PIBF1: variants seen among roughly 807,000 people sequenced by gnomAD.
PIBF1 encodes the protein progesterone immunomodulatory binding factor 1.
A neutral mutation model predicts 112.5 loss-of-function variants in PIBF1; 90 were observed. That is an observed-to-expected ratio of 0.80 (90% confidence interval 0.67 to 0.95). The LOEUF (loss-of-function observed/expected upper bound fraction) is 0.95, where lower values mean the gene tolerates loss of function less well. Among genes scored for constraint, PIBF1 ranks in the 40% least tolerant of loss-of-function variants. The pLI, the probability that PIBF1 is intolerant of heterozygous loss-of-function variation, is 0.00. For missense variants in PIBF1, 915 were observed against 852.3 expected, an observed-to-expected ratio of 1.07 and a Z score of -0.92; for synonymous variants, 301 against 288.6, an observed-to-expected ratio of 1.04 and a Z score of -0.44.
chr13:72,851,695 A>G (rs572650193), intron 9 of PIBF1, among the ~76,000 whole-genome samples: 71 of 152,312 alleles, frequency 4.7e-4, no homozygotes, highest in African/African-American at 1.6e-3. Flanking sequence ...AGTTTCACAG[A>G]ACGGAGTGAG....
intron 10 of PIBF1, among the ~76,000 whole-genome samples, chr13:72,874,780 G>C (rs2039323149): frequency 6.6e-6 from 1 of 152,028 alleles, no homozygotes; most frequent in African/African-American, 2.4e-5. Flanking sequence ...TTATTTTTTA[G>C]AGCAGTTTTG....
intron 14 of PIBF1, among the ~76,000 whole-genome samples, chr13:72,947,246 C>A (rs1183048500): frequency 6.6e-6 from 1 of 152,184 alleles, no homozygotes; most frequent in Non-Finnish European, 1.5e-5. Context: ...AAGCAATGGC[C>A]TGAGCTGTAC....
chr13:72,976,870 T>G (rs1204131492), intron 16 of PIBF1, among the ~76,000 whole-genome samples: 1 of 152,118 alleles, frequency 6.6e-6, no homozygotes, highest in Non-Finnish European at 1.5e-5. Context: ...TGATTTTTTT[T>G]TGAAAATGAA....
At chr13:72,929,887 G>A (rs2041648866) in intron 13 of PIBF1, among the ~76,000 whole-genome samples, 1 of 151,946 alleles carries the variant, frequency 6.6e-6, no homozygotes, top group African/African-American at 2.4e-5. Context: ...TAGAGACAGG[G>A]TCTCTGTGTC....
chr13:72,874,080 C>T (rs909035414), intron 10 of PIBF1, among the ~76,000 whole-genome samples: 1 of 152,100 alleles, frequency 6.6e-6, no homozygotes, highest in African/African-American at 2.4e-5. Context: ...GATTTTAAAA[C>T]ACGGATATTA....
intron 9 of PIBF1, chr13:72,836,200 AAAAT>A: frequency 4.8e-6 from 2 of 413,566 alleles, no homozygotes; most frequent in Non-Finnish European, 4.8e-6. Context: ...GAATTCAGGG[AAAAT>A]AAATACTATT....
chr13:72,979,141 A>G (rs1010721160), intron 16 of PIBF1, among the ~76,000 whole-genome samples: 3 of 152,192 alleles, frequency 2.0e-5, no homozygotes, highest in African/African-American at 7.2e-5. Context: ...GCTGCAGTGA[A>G]TCATAATCAC....
At chr13:72,949,310 T>TTTTTTTTTTTTTTTTTTC (rs2042234989) in intron 14 of PIBF1, among the ~76,000 whole-genome samples, 1 of 102,372 alleles carries the variant, frequency 9.8e-6, no homozygotes, top group Non-Finnish European at 2.1e-5. Context: ...CTTTTTTTTT[T>TTTTTTTTTTTTTTTTTTC]TTTTTTTTTT....
chr13:72,995,932 G>C (rs570788197), intron 16 of PIBF1, among the ~76,000 whole-genome samples: 1 of 147,226 alleles, frequency 6.8e-6, no homozygotes, highest in South Asian at 2.2e-4. Flanking sequence ...CTGGATGACA[G>C]AGCGAGACTC....
intron 12 of PIBF1, among the ~76,000 whole-genome samples, chr13:72,909,447 G>A (rs994157716): frequency 2.0e-5 from 3 of 151,782 alleles, no homozygotes; most frequent in Admixed American, 6.6e-5. Context: ...TAAAGGAGGT[G>A]AGGCATATCT....
At chr13:72,817,155 A>C (rs1052970356) in intron 5 of PIBF1, among the ~76,000 whole-genome samples, 1 of 152,180 alleles carries the variant, frequency 6.6e-6, no homozygotes, top group African/African-American at 2.4e-5. Flanking sequence ...ATTATATTCT[A>C]TTTCCAATTT....
Position 72,827,822 on chromosome 13 carries a change from T to TCATGAAGAGGATCGCCTTGAAA in PIBF1, c.1006_1027dup (p.Arg343ThrfsTer2). 4 of 1,603,704 alleles carry TCATGAAGAGGATCGCCTTGAAA rather than the reference T, an allele frequency of 2.5e-6. No individual in the cohort carries two copies. Among genetic ancestry groups the TCATGAAGAGGATCGCCTTGAAA allele is most frequent in the Non-Finnish European group, 3.4e-6 (4 of 1,175,134 alleles). The stretch of plus-strand genomic sequence containing the variant: ...ACATGGAGCTTAGTGTTCGCTGTGC[T>TCATGAAGAGGATCGCCTTGAAA]CATGAAGAGGATCGCCTTGAAAGAC... On this transcript the variant is annotated frameshift_variant, in exon 8 of 18. Coordinates refer to ENST00000326291, the MANE Select transcript of PIBF1 (RefSeq NM_006346.4). LOFTEE classifies it high-confidence loss of function.
chr13:72,801,138 C>T (rs1317687141), intron 5 of PIBF1, among the ~76,000 whole-genome samples: 1 of 152,122 alleles, frequency 6.6e-6, no homozygotes. Flanking sequence ...GGTAATGAGT[C>T]TGTTGAGGTC....
chr13:72,880,009 A>G (rs776315328), intron 10 of PIBF1, among the ~76,000 whole-genome samples: 1 of 152,164 alleles, frequency 6.6e-6, no homozygotes, highest in African/African-American at 2.4e-5. Flanking sequence ...TTTACAAAAC[A>G]TGTCTGCATG....
chr13:73,013,472 A>G (rs79772386), intron 17 of PIBF1, among the ~76,000 whole-genome samples: 3,123 of 151,856 alleles, frequency 0.021, 114 homozygotes, highest in African/African-American at 0.071. Flanking sequence ...AAAACGAAAA[A>G]CTATACTTAG....
intron 6 of PIBF1, among the ~76,000 whole-genome samples, chr13:72,824,641 CATA>C (rs1217060118): frequency 6.6e-6 from 1 of 151,984 alleles, no homozygotes; most frequent in African/African-American, 2.4e-5. Context: ...TTTGTAGCCG[CATA>C]ATAATATTGA....
chr13:73,015,912 A>G lies in PIBF1; in HGVS notation c.2267A>G (p.Lys756Arg), dbSNP rs1467393547. Residue 756 changes from lysine (K) to arginine (R), a missense_variant, in exon 18 of 18, where the codon AAG becomes AGG. Physicochemically the swap from Lys to Arg is conservative, Grantham distance 26. Transcript: ENST00000326291. ...APEWSKKQKM[K>R]T ...GAGTGGTCTAAGAAACAAAAGATGA[A>G]GACCTAGTGTTTTGGATGGGAAGCA... 1 of 1,587,152 alleles carries G rather than the reference A, an allele frequency of 6.3e-7. No individual in the cohort carries two copies. The highest frequency in any genetic ancestry group is 2.3e-5 in the East Asian group (1 of 43,988).
chr13:72,798,110 AG>A lies in PIBF1; in HGVS notation c.672+85del, dbSNP rs2035286175. The stretch of plus-strand genomic sequence containing the variant: ...CAGGATTTGTGATAAGGCATATAAA[AG>A]TCAGTGATTGAAAAATGGGACTATG... On this transcript the variant is annotated intron_variant, in intron 5 of 17. Transcript: ENST00000326291. 5.7e-6 allele frequency: 8 copies of A among 1,412,478 alleles called. No homozygotes were observed. In the South Asian group the frequency reaches 1.3e-4, roughly 23 times the overall value. The allele number at this position is 1,412,478 out of a possible 1,614,324, so 87.5% of individuals were successfully genotyped here.
chr13:72,797,944 A>G lies in PIBF1; in HGVS notation c.590A>G (p.Glu197Gly). 6.2e-7 allele frequency: 1 copy of G among 1,607,938 alleles called. No individual in the cohort carries two copies. Among genetic ancestry groups the G allele is most frequent in the Non-Finnish European group, 8.5e-7 (1 of 1,177,502 alleles). Residue 197 changes from glutamate (E) to glycine (G), a missense_variant, in exon 5 of 18, where the codon GAA becomes GGA. By Grantham distance (98) the Glu-to-Gly change is moderately conservative. Coordinates refer to ENST00000326291, the MANE Select transcript of PIBF1 (RefSeq NM_006346.4). ...FYELVNPLRK[E>G]ICELQVKKNI... ...GAGCTAGTGAATCCATTAAGAAAGG[A>G]AATCTGTGAACTACAAGTGAAAAAG... is the stretch of plus-strand genomic sequence containing the variant.
Sources: gnomAD v4.1 joint callset for allele counts (sites outside exome capture counted in the v4.1 genomes callset) on GRCh38, gnomAD v4.1.1 for gene constraint, MANE v1.5 for transcripts, NCBI Gene and HGNC (gene_info 2026-07-23, HGNC 2026-07-21) for gene names.